ZNF800: variants seen among roughly 807,000 people sequenced by gnomAD.
ZNF800 encodes zinc finger protein 800.
In ZNF800, 13 loss-of-function variants were observed where a neutral mutation model predicts 59.5. The observed-to-expected ratio is 0.22, with a 90% CI of 0.14 to 0.35. The LOEUF (loss-of-function observed/expected upper bound fraction) is 0.35. Among genes scored for constraint, ZNF800 ranks in the 10% least tolerant of loss-of-function variants. The probability of loss-of-function intolerance (pLI) is 1.00; values close to 1 mark genes in which losing one functional copy is unlikely to be tolerated. For missense variants in ZNF800, 621 were observed against 783.7 expected, an observed-to-expected ratio of 0.79 and a Z score of 2.48; for synonymous variants, 266 against 265.7, an observed-to-expected ratio of 1.00 and a Z score of -0.01.
exon 2 of ZNF800, chr7:127,347,628 C>G (rs1800090355): frequency 6.6e-6 from 1 of 152,246 alleles, no homozygotes; most frequent in Admixed American, 6.5e-5. Flanking sequence ...GCACGGAGGC[C>G]GCCCCCAGCC....
rs778053985 is a variant in ZNF800, at chr7:127,374,264, C to A, written c.1072G>T (p.Ala358Ser). The change falls in exon 5 of 6, where the codon GCA (alanine) becomes TCA (serine). Residue 358 changes from alanine to serine, a missense_variant. Ala to Ser is a moderately conservative substitution (Grantham distance 99). This residue lies in a region of ZNF800 where 185 missense variants were observed against 177.6 expected (regional missense o/e 1.04). Coordinates refer to ENST00000265827, the MANE Select transcript of ZNF800 (RefSeq NM_176814.5). ...SSSKAEYNLT[A>S]CKCLLCKRKY... ...CTCTTGCAAAGGAGGCATTTGCATG[C>A]AGTTAAATTGTATTCAGCCTTTGAA... 2 of 1,613,898 alleles carry A rather than the reference C, an allele frequency of 1.2e-6. No homozygotes were observed. Among genetic ancestry groups the A allele is most frequent in the South Asian group, 2.2e-5 (2 of 91,078 alleles).
chr7:127,384,227 CTTT>C (rs577977623), intron 3 of ZNF800, among the ~76,000 whole-genome samples: 22 of 63,378 alleles, frequency 3.5e-4, no homozygotes, highest in South Asian at 6.5e-4. Context: ...ATTCTAACTT[CTTT>C]TTTTTTTTTT....
intron 1 of ZNF800, chr7:127,359,921 A>AAG (rs1202158410): frequency 6.8e-6 from 1 of 147,778 alleles, no homozygotes. Flanking sequence ...ACTTAAATGA[A>AAG]AAAAAAAAAG....
chr7:127,358,270 A>C (rs910972918), intron 1 of ZNF800, among the ~76,000 whole-genome samples: 2 of 151,924 alleles, frequency 1.3e-5, no homozygotes, highest in African/African-American at 2.4e-5. Flanking sequence ...AAACTGAATC[A>C]TACTAGATTC....
At chr7:127,369,355 A>C (rs1252111137), downstream of ZNF800, among the ~76,000 whole-genome samples, 1 of 152,160 alleles carries the variant, frequency 6.6e-6, no homozygotes, top group Non-Finnish European at 1.5e-5. Context: ...TCACTATAAC[A>C]ATACAAAATC....
chr7:127,374,838 G>A lies in ZNF800; in HGVS notation c.498C>T (p.Thr166=), dbSNP rs932244462. Reference sequence around the variant, plus strand: ...TGCTAGTTTCCTGTATCTGAACTTCGGTTTGTTCAGGAGTACTGCTTGACT... The same window carrying A: ...TGCTAGTTTCCTGTATCTGAACTTCAGTTTGTTCAGGAGTACTGCTTGACT... The part of the protein sequence containing the change: ...VTESSSTPEQ[T]EVQIQETSTE... Residue 166 remains threonine, a synonymous_variant, in exon 5 of 6, where the codon ACC becomes ACT. Transcript: ENST00000265827. 3.7e-6 allele frequency: 6 copies of A among 1,613,414 alleles called. 1 individual carries two copies. The highest frequency in any genetic ancestry group is 3.3e-5 in the South Asian group (3 of 90,992).
rs147852940 is a variant in ZNF800, at chr7:127,352,726, G to A, written n.225-4683C>T. The stretch of plus-strand genomic sequence containing the variant: ...GGAATTTATACACTACTATGAAGCC[G>A]GTTAAAGGGATACAGTCTTCTAATA... On this transcript the variant is annotated intron_variant and non_coding_transcript_variant, in intron 1 of 1. Coordinates refer to the ZNF800 transcript ENST00000485577. Among the ~76,000 whole-genome samples, 252 of 152,304 alleles carry A rather than the reference G, an allele frequency of 1.7e-3. 2 individuals carry two copies. The highest frequency in any genetic ancestry group is 5.8e-3 in the African/African-American group (242 of 41,572).
At chr7:127,387,447 T>G (rs1359472441) in intron 2 of ZNF800, among the ~76,000 whole-genome samples, 1 of 152,238 alleles carries the variant, frequency 6.6e-6, no homozygotes, top group African/African-American at 2.4e-5. Flanking sequence ...TACTGTGCTA[T>G]GTATATAGAT....
intron 1 of ZNF800, chr7:127,361,328 A>G (rs17862363): frequency 0.045 from 6,779 of 152,272 alleles, 213 homozygotes; most frequent in South Asian, 0.076. Context: ...CTGTAATCCC[A>G]TCGCTTTGTG....
At chr7:127,355,688 C>T (rs991045614) in intron 1 of ZNF800, among the ~76,000 whole-genome samples, 11 of 152,114 alleles carry the variant, frequency 7.2e-5, no homozygotes, top group African/African-American at 2.6e-4. Flanking sequence ...TAGTTTTAGA[C>T]ATAGTTTTAT....
downstream of ZNF800, among the ~76,000 whole-genome samples, chr7:127,345,276 A>C (rs1277462455): frequency 6.6e-6 from 1 of 151,188 alleles, no homozygotes; most frequent in Non-Finnish European, 1.5e-5. Flanking sequence ...TCCTTTATAC[A>C]TTCTAGTATG....
At position 127,379,977 on chromosome 7, in the gene ZNF800, C is replaced by T. The variant is rs562172505; in HGVS notation, c.158-2648G>A. On this transcript the variant is annotated intron_variant, in intron 3 of 5. Coordinates refer to ENST00000265827, the MANE Select transcript of ZNF800 (RefSeq NM_176814.5). ...CACAGATACACCAAATGTATTCTTTCCCTCACTTTTCAGGCCTTCACCTAT... is the reference window on the plus strand; with the variant it reads ...CACAGATACACCAAATGTATTCTTTTCCTCACTTTTCAGGCCTTCACCTAT... 6.5e-4 allele frequency among the ~76,000 whole-genome samples: 99 copies of T among 151,406 alleles called. 1 individual carries two copies. The highest frequency in any genetic ancestry group is 2.3e-3 in the African/African-American group (93 of 41,240).
At chr7:127,355,713 T>C (rs1201964804) in intron 1 of ZNF800, among the ~76,000 whole-genome samples, 1 of 152,050 alleles carries the variant, frequency 6.6e-6, no homozygotes, top group Non-Finnish European at 1.5e-5. Context: ...AATAGTAACT[T>C]GGCTAAAAAT....
At position 127,374,718 on chromosome 7, in the gene ZNF800, T is replaced by C. The variant is rs142573888; in HGVS notation, c.618A>G (p.Thr206=). ...VEIVTDEVAP[T]SDEQPQESQA... ...GCGACTCCTGAGGTTGTTCATCAGA[T>C]GTAGGTGCAACTTCATCTGTAACAA... The change falls in exon 5 of 6, where the codon ACA becomes ACG. Residue 206 remains threonine, a synonymous_variant. Coordinates refer to ENST00000265827, the MANE Select transcript of ZNF800 (RefSeq NM_176814.5). 6.2e-7 allele frequency: 1 copy of C among 1,614,062 alleles called. No homozygotes were observed.
intron 2 of ZNF800, among the ~76,000 whole-genome samples, chr7:127,388,439 G>A (rs1801208035): frequency 6.6e-6 from 1 of 151,976 alleles, no homozygotes; most frequent in Non-Finnish European, 1.5e-5. Flanking sequence ...CATAAAAGAG[G>A]GTGAAAACCC....
intron 1 of ZNF800, among the ~76,000 whole-genome samples, chr7:127,348,647 A>G (rs1800116302): frequency 6.6e-6 from 1 of 152,278 alleles, no homozygotes; most frequent in Non-Finnish European, 1.5e-5. Flanking sequence ...GTGTGTACAC[A>G]CGACACATCA....
rs1267159753 is a variant in ZNF800 at position 127,370,576 on chromosome 7, C to T, written c.*1238G>A. On this transcript the variant is annotated 3_prime_UTR_variant, in exon 6 of 6. Coordinates refer to ENST00000265827, the MANE Select transcript of ZNF800 (RefSeq NM_176814.5). ...ATCTTTAACATTTTAAAATTTTATACAAAAAGTATATAGATGGACAGGGTC... is the reference window on the plus strand; with the variant it reads ...ATCTTTAACATTTTAAAATTTTATATAAAAAGTATATAGATGGACAGGGTC... The T allele has an allele frequency of 1.3e-5, 2 of 152,374 alleles. No individual in the cohort carries two copies. The highest frequency in any genetic ancestry group is 4.8e-5 in the African/African-American group (2 of 41,384). The allele number at this position is 152,374 out of a possible 1,614,324, so 9.4% of individuals were successfully genotyped here. A position where few individuals can be genotyped will look rare whatever the true frequency, so the allele number is the denominator to read the frequency against.
intron 1 of ZNF800, among the ~76,000 whole-genome samples, chr7:127,355,217 A>C (rs1800245785): frequency 6.6e-6 from 1 of 152,122 alleles, no homozygotes; most frequent in Non-Finnish European, 1.5e-5. Flanking sequence ...GAACCAGAGA[A>C]GGCCAAGAGT....
At position 127,379,836 on chromosome 7, in the gene ZNF800, A is replaced by ACCCCCCCCCCCCCCCCCCCCCCCC. The variant is rs71179574; in HGVS notation, c.158-2508_158-2507insGGGGGGGGGGGGGGGGGGGGGGGG. Among the ~76,000 whole-genome samples, 11 of 27,652 alleles carry ACCCCCCCCCCCCCCCCCCCCCCCC rather than the reference A, an allele frequency of 4.0e-4. 1 individual carries two copies. The highest frequency in any genetic ancestry group is 9.5e-4 in the Admixed American group (2 of 2,112). The allele number at this position is 27,652 out of a possible 152,430, so 18.1% of individuals were successfully genotyped here. A position where few individuals can be genotyped will look rare whatever the true frequency, so the allele number is the denominator to read the frequency against. Reference sequence around the variant, plus strand: ...ACAAATGCTTCCCCTTACCCTTGCCACCCCCCCACCCCCCCACCCCCCCCA... The same window carrying ACCCCCCCCCCCCCCCCCCCCCCCC: ...ACAAATGCTTCCCCTTACCCTTGCCACCCCCCCCCCCCCCCCCCCCCCCCCCCCCCCACCCCCCCACCCCCCCCA... On this transcript the variant is annotated intron_variant, in intron 3 of 5. Coordinates refer to ENST00000265827, the MANE Select transcript of ZNF800 (RefSeq NM_176814.5).
Sources: gnomAD v4.1 joint callset for allele counts (sites outside exome capture counted in the v4.1 genomes callset) on GRCh38, gnomAD v4.1.1 for gene constraint, gnomAD v4.1.1 regional missense constraint, MANE v1.5 for transcripts, NCBI Gene and HGNC (gene_info 2026-07-23, HGNC 2026-07-21) for gene names.